Variants in POU6F2 observed in about 807,000 individuals in gnomAD.
The protein encoded by POU6F2 is POU class 6 homeobox 2.
In POU6F2, 31 loss-of-function variants were observed where a neutral mutation model predicts 71.3. The ratio of observed to expected loss-of-function variants is 0.43; its 90% CI spans 0.33 to 0.59. The LOEUF is 0.59. POU6F2 is among the 20% of genes least tolerant of loss of function. POU6F2 has a pLI of 0.04. For missense variants in POU6F2, 783 were observed against 856.8 expected (o/e 0.91, Z 1.07); for synonymous variants, 347 against 355.7 (o/e 0.98, Z 0.27).
chr7:39,379,209 C>T (rs927041467), intron 5 of POU6F2, among the ~76,000 whole-genome samples: 3 of 152,134 alleles, frequency 2.0e-5, no homozygotes, highest in South Asian at 2.1e-4. Context: ...TGGAAATACA[C>T]AACAGACCTT....
chr7:39,247,635 C>T (rs988785890), intron 4 of POU6F2, among the ~76,000 whole-genome samples: 5 of 152,152 alleles, frequency 3.3e-5, no homozygotes, highest in African/African-American at 7.2e-5. Flanking sequence ...TCTGCTGTAA[C>T]GTAGTCACTG....
At chr7:39,161,706 A>G (rs1793002350) in intron 2 of POU6F2, among the ~76,000 whole-genome samples, 1 of 152,182 alleles carries the variant, frequency 6.6e-6, no homozygotes, top group Non-Finnish European at 1.5e-5. Context: ...TCTCCCCACA[A>G]TTTTATGATA....
chr7:39,323,066 A>G lies in POU6F2; in HGVS notation c.599-16576A>G, dbSNP rs978817550. On this transcript the variant is annotated intron_variant, in intron 4 of 9. Coordinates refer to ENST00000518318, the MANE Select transcript of POU6F2 (RefSeq NM_001370959.1). The stretch of plus-strand genomic sequence containing the variant: ...AATTATAATTCCTAATTATTTAGTG[A>G]ACATCTGCTATATGCAGGTTGCTGA... Among the ~76,000 whole-genome samples the G allele has an allele frequency of 3.3e-5, 5 of 152,188 alleles. No homozygotes were observed. In the East Asian group the frequency reaches 9.6e-4, roughly 29 times the overall value.
chr7:39,426,674 C>T (rs539404800), intron 6 of POU6F2, among the ~76,000 whole-genome samples: 1 of 152,222 alleles, frequency 6.6e-6, no homozygotes, highest in Admixed American at 6.5e-5. Context: ...CTTTTCATTC[C>T]TCAAGAATAT....
intron 1 of POU6F2, among the ~76,000 whole-genome samples, chr7:39,077,092 A>G (rs919208796): frequency 6.6e-6 from 1 of 152,244 alleles, no homozygotes; most frequent in Non-Finnish European, 1.5e-5. Context: ...TGAAGAGTGT[A>G]TGAATATAGG....
intron 8 of POU6F2, among the ~76,000 whole-genome samples, chr7:39,455,970 G>C (rs974893266): frequency 6.6e-6 from 1 of 152,186 alleles, no homozygotes; most frequent in African/African-American, 2.4e-5. Flanking sequence ...GTTAGCCTAA[G>C]TCCCCAGGCC....
intron 1 of POU6F2, among the ~76,000 whole-genome samples, chr7:38,994,017 C>T (rs1788674810): frequency 6.6e-6 from 1 of 152,150 alleles, no homozygotes; most frequent in African/African-American, 2.4e-5. Flanking sequence ...AAGTCTGAGG[C>T]TAATAAAAAG....
intron 1 of POU6F2, among the ~76,000 whole-genome samples, chr7:39,053,674 A>G (rs1231891162): frequency 1.3e-5 from 2 of 151,962 alleles, no homozygotes; most frequent in Non-Finnish European, 2.9e-5. Context: ...ATTCTTTATC[A>G]TCAGTTTTAC....
In POU6F2 at chr7:39,068,827, T is replaced by G. The variant is rs139802760; in HGVS notation, c.106-17033T>G. On this transcript the variant is annotated intron_variant, in intron 1 of 9. Transcript: ENST00000518318. Reference sequence around the variant, plus strand: ...CTTTTCTGATTCCTCAGAATATATCTTTAGGATAGGGGTTCCCACTGTTTA... The same window carrying G: ...CTTTTCTGATTCCTCAGAATATATCGTTAGGATAGGGGTTCCCACTGTTTA... Among the ~76,000 whole-genome samples the G allele has an allele frequency of 5.3e-4, 81 of 152,278 alleles. 1 individual carries two copies. The highest frequency in any genetic ancestry group is 1.7e-3 in the African/African-American group (72 of 41,552).
chr7:39,016,499 G>C (rs887412860), intron 1 of POU6F2, among the ~76,000 whole-genome samples: 1 of 151,914 alleles, frequency 6.6e-6, no homozygotes, highest in East Asian at 1.9e-4. Context: ...TAAAATAAAA[G>C]CTGTAAAATC....
chr7:39,006,863 T>C (rs746504808), intron 1 of POU6F2: 12 of 1,613,686 alleles, frequency 7.4e-6, no homozygotes, highest in South Asian at 5.5e-5. Flanking sequence ...AGTGCTCTTC[T>C]TCAGGTATTT....
chr7:39,087,823 A>G (rs892528376), intron 2 of POU6F2, among the ~76,000 whole-genome samples: 2 of 152,082 alleles, frequency 1.3e-5, no homozygotes, highest in Non-Finnish European at 2.9e-5. Context: ...AAGAGGGGTG[A>G]TTGATTTTTT....
intron 1 of POU6F2, among the ~76,000 whole-genome samples, chr7:39,028,664 T>C (rs1427165430): frequency 1.3e-5 from 2 of 152,176 alleles, no homozygotes; most frequent in Non-Finnish European, 2.9e-5. Context: ...TTCTAATCCA[T>C]AATCATGATA....
intron 1 of POU6F2, among the ~76,000 whole-genome samples, chr7:39,006,232 G>C (rs1202302337): frequency 5.9e-5 from 9 of 152,178 alleles, no homozygotes; most frequent in African/African-American, 1.9e-4. Context: ...GGGAGGCCGA[G>C]GCAGGCAGAT....
chr7:39,026,975 A>G (rs1789820838), intron 1 of POU6F2, among the ~76,000 whole-genome samples: 1 of 152,066 alleles, frequency 6.6e-6, no homozygotes, highest in Non-Finnish European at 1.5e-5. Context: ...TCAGGGATGA[A>G]TTTAGGCAAT....
chr7:39,456,705 A>G (rs1433377813), intron 8 of POU6F2, among the ~76,000 whole-genome samples: 4 of 152,250 alleles, frequency 2.6e-5, no homozygotes, highest in Middle Eastern at 3.2e-3. Flanking sequence ...GGATAAGAAC[A>G]CTAATATAAA....
At chr7:39,064,724 C>A (rs1562691594) in intron 1 of POU6F2, among the ~76,000 whole-genome samples, 1 of 151,522 alleles carries the variant, frequency 6.6e-6, no homozygotes, top group Non-Finnish European at 1.5e-5. Context: ...AAGAGACACA[C>A]CTAAAATAAG....
intron 4 of POU6F2, among the ~76,000 whole-genome samples, chr7:39,276,335 A>T (rs187283409): frequency 1.3e-5 from 2 of 152,248 alleles, no homozygotes; most frequent in Non-Finnish European, 2.9e-5. Flanking sequence ...AGAAATGCAA[A>T]TCAAAACCAC....
chr7:39,000,018 G>A (rs1225382252), intron 1 of POU6F2, among the ~76,000 whole-genome samples: 1 of 152,066 alleles, frequency 6.6e-6, no homozygotes, highest in African/African-American at 2.4e-5. Context: ...ATTTTTTAGA[G>A]GGAGCTTCTT....
Sources: allele counts gnomAD v4.1 joint callset (sites outside exome capture counted in the v4.1 genomes callset), GRCh38; gene constraint gnomAD v4.1.1; transcripts MANE v1.5; gene names NCBI Gene and HGNC (gene_info 2026-07-23, HGNC 2026-07-21).